The following EPB41L2 variants were observed in gnomAD, a reference collection of about 807,000 sequenced individuals.
EPB41L2 encodes band 4.1-like protein 2.
EPB41L2 carries 43 observed loss-of-function variants against 113.0 expected under a neutral mutation model. That is an observed-to-expected ratio of 0.38 (90% CI 0.30 to 0.49). The LOEUF is 0.49. Ranked by LOEUF, EPB41L2 falls within the 20% of genes least tolerant of loss-of-function variation. EPB41L2 has a pLI of 0.95. For synonymous variants in EPB41L2, 442 were observed against 436.7 expected (o/e 1.01, Z -0.15); for missense variants, 1,147 against 1,223.4 (o/e 0.94, Z 0.93).
intron 1 of EPB41L2, among the ~76,000 whole-genome samples, chr6:130,968,163 G>A (rs1775821217): frequency 6.6e-6 from 1 of 152,118 alleles, no homozygotes; most frequent in South Asian, 2.1e-4. Flanking sequence ...AATAACAGTA[G>A]TGGTACAAGA....
chr6:130,929,098 T>C (rs1805797615), intron 3 of EPB41L2, among the ~76,000 whole-genome samples: 2 of 152,212 alleles, frequency 1.3e-5, no homozygotes, highest in South Asian at 2.1e-4. Context: ...TAAGCTTCCA[T>C]CTGCCTCTCC....
chr6:130,845,915 G>A (rs1049351932), intron 19 of EPB41L2, among the ~76,000 whole-genome samples: 4 of 152,242 alleles, frequency 2.6e-5, no homozygotes, highest in African/African-American at 7.2e-5. Flanking sequence ...TGAACTGTGA[G>A]TTGAAGCAGC....
chr6:130,974,363 T>C (rs898889482), intron 1 of EPB41L2, among the ~76,000 whole-genome samples: 2 of 150,680 alleles, frequency 1.3e-5, no homozygotes, highest in African/African-American at 5.0e-5. Context: ...ACCCAGTCTA[T>C]GGTATTTTAT....
chr6:131,058,128 G>A (rs867586290), intron 1 of EPB41L2, among the ~76,000 whole-genome samples: 2 of 152,132 alleles, frequency 1.3e-5, no homozygotes, highest in African/African-American at 2.4e-5. Flanking sequence ...ATTCAGAGAG[G>A]TATCTGTGAA....
At chr6:131,053,111 G>C (rs930025821) in intron 1 of EPB41L2, among the ~76,000 whole-genome samples, 2 of 151,938 alleles carry the variant, frequency 1.3e-5, no homozygotes, top group African/African-American at 2.4e-5. Context: ...GGCTAGGCTG[G>C]TCTCAAACTC....
chr6:130,885,021 G>C, intron 12 of EPB41L2, 75 bp downstream of exon 12: 1 of 1,522,910 alleles, frequency 6.6e-7, no homozygotes, highest in Admixed American at 1.9e-5. Context: ...CTTGATTTCT[G>C]AAACAGAAAA....
chr6:130,843,806 T>TA (rs2128395631), intron 19 of EPB41L2, among the ~76,000 whole-genome samples: 1 of 152,102 alleles, frequency 6.6e-6, no homozygotes, highest in East Asian at 1.9e-4. Flanking sequence ...ATCACAGGAG[T>TA]AATTCTATGT....
intron 1 of EPB41L2, among the ~76,000 whole-genome samples, chr6:131,040,896 T>C (rs1002366081): frequency 1.3e-5 from 2 of 152,142 alleles, no homozygotes; most frequent in Non-Finnish European, 2.9e-5. Flanking sequence ...TACCCTCACA[T>C]AGAAACAATT....
chr6:130,914,454 GCCCTTTC>G (rs1800330844), intron 4 of EPB41L2, among the ~76,000 whole-genome samples: 2 of 152,126 alleles, frequency 1.3e-5, no homozygotes, highest in Admixed American at 6.5e-5. Flanking sequence ...TGAAAACCAA[GCCCTTTC>G]TATATGACTA....
chr6:130,874,362 T>C (rs1435914200), intron 14 of EPB41L2, among the ~76,000 whole-genome samples: 2 of 130,486 alleles, frequency 1.5e-5, no homozygotes, highest in African/African-American at 5.3e-5. Flanking sequence ...TACTTATGCA[T>C]AATTTTTTTA....
chr6:130,847,427 C>T (rs1206460728), intron 19 of EPB41L2, among the ~76,000 whole-genome samples: 2 of 152,108 alleles, frequency 1.3e-5, no homozygotes, highest in African/African-American at 2.4e-5. Flanking sequence ...GTCCCTTGAA[C>T]ATAACAGGCT....
At chr6:130,882,991 C>T (rs1167516184) in intron 12 of EPB41L2, 2 of 152,710 alleles carry the variant, frequency 1.3e-5, no homozygotes, top group African/African-American at 2.4e-5. Flanking sequence ...CCCCCTGCTC[C>T]GATATTTCAC....
intron 4 of EPB41L2, among the ~76,000 whole-genome samples, chr6:130,918,504 G>T (rs978319655): frequency 3.9e-5 from 6 of 152,178 alleles, no homozygotes; most frequent in East Asian, 1.9e-4. Flanking sequence ...ATAACATGTT[G>T]CCTGATTCCA....
At chr6:130,855,208 G>T (rs997514471) in intron 19 of EPB41L2, among the ~76,000 whole-genome samples, 4 of 151,876 alleles carry the variant, frequency 2.6e-5, no homozygotes, top group Non-Finnish European at 4.4e-5. Flanking sequence ...AAATTAGCTG[G>T]GCGTGATGGT....
intron 1 of EPB41L2, among the ~76,000 whole-genome samples, chr6:131,008,885 A>C (rs1326926320): frequency 1.3e-5 from 2 of 152,206 alleles, no homozygotes; most frequent in African/African-American, 4.8e-5. Context: ...TTTATCTAGG[A>C]TTAACTAACT....
At chr6:130,911,231 T>C (rs1206542062) in intron 4 of EPB41L2, among the ~76,000 whole-genome samples, 1 of 152,126 alleles carries the variant, frequency 6.6e-6, no homozygotes, top group Non-Finnish European at 1.5e-5. Flanking sequence ...TGCAGGGACA[T>C]GGATGAAGCT....
At chr6:130,918,952 G>A (rs1801993407) in intron 4 of EPB41L2, among the ~76,000 whole-genome samples, 1 of 152,164 alleles carries the variant, frequency 6.6e-6, no homozygotes, top group Admixed American at 6.5e-5. Context: ...CAAATCTATA[G>A]TGGAAGAATA....
In EPB41L2 at chr6:130,870,792, T is replaced by C. The variant is rs117436807; in HGVS notation, c.2044-666A>G. The stretch of plus-strand genomic sequence containing the variant: ...TTAAATGAACACAGCACCAAGGAGA[T>C]GGCACTTTTATTTTTTGCTGGTTTT... On this transcript the variant is annotated intron_variant, in intron 14 of 19. Coordinates refer to ENST00000337057, the MANE Select transcript of EPB41L2 (RefSeq NM_001431.4). Among the ~76,000 whole-genome samples the C allele has an allele frequency of 7.1e-3, 1,081 of 151,772 alleles. 4 individuals are homozygous for C. Among genetic ancestry groups the C allele is most frequent in the Non-Finnish European group, 0.012 (795 of 67,980 alleles).
At chr6:130,961,010 C>T (rs1773365339) in intron 1 of EPB41L2, among the ~76,000 whole-genome samples, 1 of 152,164 alleles carries the variant, frequency 6.6e-6, no homozygotes, top group South Asian at 2.1e-4. Flanking sequence ...AATATCCTCA[C>T]TTTATTTTAT....
Sources: gnomAD v4.1 joint callset for allele counts (sites outside exome capture counted in the v4.1 genomes callset) on GRCh38, gnomAD v4.1.1 for gene constraint, MANE v1.5 for transcripts, NCBI Gene and HGNC (gene_info 2026-07-23, HGNC 2026-07-21) for gene names.